Variants in CCDC178 observed in about 807,000 individuals in gnomAD.
CCDC178 encodes the protein coiled-coil domain-containing protein 178.
A neutral mutation model predicts 117.4 loss-of-function variants in CCDC178; 126 were observed. The observed-to-expected ratio is 1.07, with a 90% confidence interval of 0.93 to 1.24. The LOEUF (loss-of-function observed/expected upper bound fraction) is 1.24. Ranked by LOEUF, CCDC178 falls within the 50% of genes most tolerant of loss-of-function variation. The probability of loss-of-function intolerance (pLI) is 0.00; values close to 1 mark genes in which losing one functional copy is unlikely to be tolerated. For missense variants in CCDC178, 1,030 were observed against 986.9 expected (o/e 1.04, Z -0.59); for synonymous variants, 283 against 313.4 (o/e 0.90, Z 1.02).
intron 20 of CCDC178, among the ~76,000 whole-genome samples, chr18:33,186,967 G>A (rs1465634673): frequency 6.6e-6 from 1 of 151,960 alleles, no homozygotes; most frequent in African/African-American, 2.4e-5. Context: ...AGAACTGCCT[G>A]AGACTGGGTA....
intron 2 of CCDC178, among the ~76,000 whole-genome samples, chr18:33,431,094 A>G (rs1411877486): frequency 6.7e-6 from 1 of 149,872 alleles, no homozygotes; most frequent in Non-Finnish European, 1.5e-5. Context: ...AAAAAAAAAG[A>G]ACATCAGCAA....
At chr18:33,356,439 C>T in intron 6 of CCDC178, 93 bp from the exon 7 acceptor site, 5 of 1,179,094 alleles carry the variant, frequency 4.2e-6, no homozygotes, top group Non-Finnish European at 5.7e-6. Flanking sequence ...CTCTACTTTA[C>T]ATATCTCTAC....
intron 21 of CCDC178, among the ~76,000 whole-genome samples, chr18:32,988,110 A>C (rs140787246): frequency 1.6e-4 from 22 of 140,776 alleles, no homozygotes; most frequent in African/African-American, 5.9e-4. Context: ...TAATAATAAT[A>C]ATAATAATAA....
intron 11 of CCDC178, among the ~76,000 whole-genome samples, chr18:33,305,039 A>G (rs972397040): frequency 2.6e-5 from 4 of 152,050 alleles, no homozygotes; most frequent in Non-Finnish European, 4.4e-5. Context: ...CTTGACACTC[A>G]CTTTTGGTTT....
At chr18:33,002,945 T>C (rs2055669708) in intron 21 of CCDC178, among the ~76,000 whole-genome samples, 1 of 152,138 alleles carries the variant, frequency 6.6e-6, no homozygotes, top group Non-Finnish European at 1.5e-5. Context: ...GATAAATTCC[T>C]AGATACATAC....
Position 33,215,628 on chromosome 18 carries a change from T to C in CCDC178, c.2000A>G (p.Lys667Arg). ...TKSKTMIFYA[K>R]INELNEELKA... is the part of the protein sequence containing the mutation. ...TAATTCCTCATTCAATTCATTTATTTTTGCATAAAAAATCATTGTCTTACT... is the reference window on the plus strand; with the variant it reads ...TAATTCCTCATTCAATTCATTTATTCTTGCATAAAAAATCATTGTCTTACT... Residue 667 changes from lysine (K) to arginine (R), a missense_variant, in exon 19 of 23, where the codon AAA becomes AGA. Transcript: ENST00000383096. 6.5e-7 allele frequency: 1 copy of C among 1,535,528 alleles called. No homozygotes were observed. Among genetic ancestry groups the C allele is most frequent in the Non-Finnish European group, 8.7e-7 (1 of 1,146,760 alleles).
intron 21 of CCDC178, among the ~76,000 whole-genome samples, chr18:33,066,899 A>C (rs1440054607): frequency 6.6e-6 from 1 of 152,194 alleles, no homozygotes; most frequent in Non-Finnish European, 1.5e-5. Flanking sequence ...CTAATACAGT[A>C]ATATTTGGAG....
At chr18:33,069,400 A>G (rs1193411998) in intron 21 of CCDC178, among the ~76,000 whole-genome samples, 2 of 152,150 alleles carry the variant, frequency 1.3e-5, no homozygotes, top group Admixed American at 6.5e-5. Flanking sequence ...CTGTTCTTTC[A>G]AAGTTGCCAG....
chr18:33,112,160 A>G (rs1181149466), intron 20 of CCDC178, among the ~76,000 whole-genome samples: 1 of 151,754 alleles, frequency 6.6e-6, no homozygotes, highest in Non-Finnish European at 1.5e-5. Flanking sequence ...CTTATTTTCA[A>G]TAAGAAAAAA....
At chr18:33,306,141 T>C (rs2062244665) in intron 11 of CCDC178, among the ~76,000 whole-genome samples, 1 of 152,210 alleles carries the variant, frequency 6.6e-6, no homozygotes, top group African/African-American at 2.4e-5. Context: ...CTTTATGATC[T>C]AACTGAAATG....
At position 32,937,997 on chromosome 18, in the gene CCDC178, C is replaced by A. The variant is rs766223838; in HGVS notation, c.*14G>T. On this transcript the variant is annotated 3_prime_UTR_variant, in exon 23 of 23. Coordinates refer to ENST00000383096, the MANE Select transcript of CCDC178 (RefSeq NM_001105528.4). ...GTCTTTTATTTCAGCATCCAAGATACATTGGTTGTTTGCTTAACCATCGTT... is the reference window on the plus strand; with the variant it reads ...GTCTTTTATTTCAGCATCCAAGATAAATTGGTTGTTTGCTTAACCATCGTT... 2.5e-6 allele frequency: 4 copies of A among 1,586,970 alleles called. No homozygotes were observed. The African/African-American group carries it at 5.4e-5, about 21-fold the overall frequency.
chr18:33,062,939 A>G (rs2056949456), intron 21 of CCDC178, among the ~76,000 whole-genome samples: 1 of 152,300 alleles, frequency 6.6e-6, no homozygotes, highest in African/African-American at 2.4e-5. Context: ...CAGGCTGACC[A>G]GTGTGCTAGG....
intron 2 of CCDC178, among the ~76,000 whole-genome samples, chr18:33,436,861 G>C (rs1027354597): frequency 4.6e-5 from 7 of 152,194 alleles, no homozygotes; most frequent in African/African-American, 1.7e-4. Context: ...TGCTTCACAT[G>C]CACACCAGTA....
At chr18:33,190,834 A>G (rs2058849221) in intron 20 of CCDC178, among the ~76,000 whole-genome samples, 1 of 151,998 alleles carries the variant, frequency 6.6e-6, no homozygotes, top group Admixed American at 6.6e-5. Context: ...CCTTACCTCT[A>G]TTTTTCAATC....
At chr18:33,439,687 A>G (rs2064350910) in intron 2 of CCDC178, among the ~76,000 whole-genome samples, 1 of 152,200 alleles carries the variant, frequency 6.6e-6, no homozygotes, top group Non-Finnish European at 1.5e-5. Context: ...AAGAAACAAT[A>G]TTTTGAGGGT....
At chr18:33,406,632 C>T (rs1045845452) in intron 3 of CCDC178, among the ~76,000 whole-genome samples, 19 of 151,814 alleles carry the variant, frequency 1.3e-4, no homozygotes, top group African/African-American at 4.4e-4. Flanking sequence ...TGACATAATC[C>T]ATAAGGATGA....
intron 14 of CCDC178, among the ~76,000 whole-genome samples, chr18:33,255,611 T>C (rs1210755230): frequency 6.6e-6 from 1 of 151,996 alleles, no homozygotes; most frequent in East Asian, 1.9e-4. Flanking sequence ...ACTTGGTGGA[T>C]AACAGTGCAG....
At position 33,387,759 on chromosome 18, in the gene CCDC178, T is replaced by C. The variant is rs2144814953; in HGVS notation, c.208+1781A>G. On this transcript the variant is annotated intron_variant, in intron 5 of 22. Coordinates refer to ENST00000383096, the MANE Select transcript of CCDC178 (RefSeq NM_001105528.4). ...GTAAAACCCAAAACTATAAAAACTC[T>C]AGAAGAAAATCTAGGCAATACTATT... Among the ~76,000 whole-genome samples the C allele has an allele frequency of 2.6e-5, 4 of 152,250 alleles. No individual in the cohort carries two copies. The Middle Eastern group carries it at 0.01, about 388-fold the overall frequency.
At chr18:33,435,117 TTA>T (rs1206383250) in intron 2 of CCDC178, among the ~76,000 whole-genome samples, 1 of 152,166 alleles carries the variant, frequency 6.6e-6, no homozygotes, top group Non-Finnish European at 1.5e-5. Context: ...ATGGTCATAA[TTA>T]TTGGAGCAGA....
Sources: allele counts gnomAD v4.1 joint callset (sites outside exome capture counted in the v4.1 genomes callset), GRCh38; gene constraint gnomAD v4.1.1; transcripts MANE v1.5; gene names NCBI Gene and HGNC (gene_info 2026-07-23, HGNC 2026-07-21).